GREM2: variants seen among roughly 807,000 people sequenced by gnomAD.
GREM2 encodes the protein gremlin 2, DAN family BMP antagonist, also known as gremlin-2.
GREM2 carries 11 observed loss-of-function variants against 14.2 expected under a neutral mutation model. The ratio of observed to expected loss-of-function variants is 0.78; its 90% CI spans 0.49 to 1.28. The LOEUF (loss-of-function observed/expected upper bound fraction) is 1.28. GREM2 is among the 50% of genes most tolerant of loss of function. The pLI is 0.00. For synonymous variants in GREM2, 98 were observed against 97.6 expected (o/e 1.00, Z -0.02); for missense variants, 210 against 218.5 (o/e 0.96, Z 0.24).
chr1:240,551,338 G>GT (rs71752374), intron 1 of GREM2, among the ~76,000 whole-genome samples: 30 of 151,634 alleles, frequency 2.0e-4, no homozygotes, highest in East Asian at 1.4e-3. Context: ...TTTACCTTGT[G>GT]TTTTTTTTTG....
In GREM2 at chr1:240,543,556, A is replaced by G. The variant is rs1572391057; in HGVS notation, c.-1-50080T>C. Among the ~76,000 whole-genome samples the G allele has an allele frequency of 6.6e-6, 1 of 152,150 alleles. No individual in the cohort carries two copies. Among genetic ancestry groups the G allele is most frequent in the East Asian group, 1.9e-4 (1 of 5,176 alleles). On this transcript the variant is annotated intron_variant, in intron 1 of 1. Transcript: ENST00000318160. This position sits in a 1 kb window ranked among gnomAD's most constrained non-coding sequence, Gnocchi z 6.4. ...CTGGCCTTGCCCATGAAACATGGGG[A>G]TTATTACAATTCAAGGTGAGATTTG...
intron 1 of GREM2, among the ~76,000 whole-genome samples, chr1:240,598,078 G>A (rs969075566): frequency 6.6e-5 from 10 of 152,132 alleles, no homozygotes; most frequent in African/African-American, 2.4e-4. Context: ...AAACAGCTCC[G>A]AACCTCAATT....
At chr1:240,591,939 G>A (rs1679723331) in intron 1 of GREM2, among the ~76,000 whole-genome samples, 1 of 152,132 alleles carries the variant, frequency 6.6e-6, no homozygotes, top group African/African-American at 2.4e-5. Flanking sequence ...TGAAAGGTTT[G>A]AATAGGTTTT....
chr1:240,539,735 C>T (rs1019547749), intron 1 of GREM2, among the ~76,000 whole-genome samples: 4 of 152,102 alleles, frequency 2.6e-5, no homozygotes, highest in Admixed American at 1.3e-4. Context: ...CTGGGTAACA[C>T]GGATGAAGTG....
At chr1:240,597,464 C>T (rs1305633279) in intron 1 of GREM2, among the ~76,000 whole-genome samples, 1 of 152,198 alleles carries the variant, frequency 6.6e-6, no homozygotes, top group Non-Finnish European at 1.5e-5. Context: ...TAGTACGATA[C>T]GTGCTCCACA....
At chr1:240,541,915 T>G (rs1480771888) in intron 1 of GREM2, among the ~76,000 whole-genome samples, 1 of 152,178 alleles carries the variant, frequency 6.6e-6, no homozygotes, top group African/African-American at 2.4e-5. Context: ...CTGCGAGCAA[T>G]GCCATCACTG....
chr1:240,544,150 C>CGTT (rs1678661030), intron 1 of GREM2, among the ~76,000 whole-genome samples: 2 of 129,626 alleles, frequency 1.5e-5, no homozygotes, highest in African/African-American at 8.0e-5. Flanking sequence ...AAGCACTAGG[C>CGTT]CTTTTTTTTT....
intron 1 of GREM2, among the ~76,000 whole-genome samples, chr1:240,576,676 T>C (rs1219963588): frequency 1.3e-5 from 2 of 152,134 alleles, no homozygotes; most frequent in African/African-American, 4.8e-5. Flanking sequence ...CTAAAACCTT[T>C]TAAACTTAAC....
chr1:240,611,642 CG>C (rs937227467), intron 1 of GREM2, among the ~76,000 whole-genome samples: 2 of 152,092 alleles, frequency 1.3e-5, no homozygotes, highest in Admixed American at 1.3e-4. Context: ...AGAGCGATCA[CG>C]GTCAAGTTTG....
chr1:240,561,331 C>A (rs1406301878), intron 1 of GREM2, among the ~76,000 whole-genome samples: 1 of 152,040 alleles, frequency 6.6e-6, no homozygotes, highest in Non-Finnish European at 1.5e-5. Flanking sequence ...AAAGATCACC[C>A]ACAAGGGAGT....
chr1:240,571,491 C>T (rs1377992901), intron 1 of GREM2, among the ~76,000 whole-genome samples: 2 of 152,018 alleles, frequency 1.3e-5, no homozygotes, highest in Non-Finnish European at 2.9e-5. Flanking sequence ...GTCAGGAGTT[C>T]GAGACCAGCC....
intron 1 of GREM2, among the ~76,000 whole-genome samples, chr1:240,539,917 T>A (rs765972978): frequency 2.0e-5 from 3 of 152,220 alleles, no homozygotes; most frequent in Non-Finnish European, 4.4e-5. Context: ...CCTCCTCTTT[T>A]GTTTTCTCAA....
chr1:240,519,847 G>A (rs899792778), intron 1 of GREM2, among the ~76,000 whole-genome samples: 2 of 152,302 alleles, frequency 1.3e-5, no homozygotes, highest in Non-Finnish European at 2.9e-5. Context: ...TTGGGAGGCC[G>A]AGGTGGATGG....
At position 240,543,028 on chromosome 1, in the gene GREM2, T is replaced by C. The variant is rs559437974; in HGVS notation, c.-1-49552A>G. ...CCATTGTCAAGATCCCACTAAAATA[T>C]CAATTCCTCTGGGAAGCCTCCCAAA... On this transcript the variant is annotated intron_variant, in intron 1 of 1. Coordinates refer to ENST00000318160, the MANE Select transcript of GREM2 (RefSeq NM_022469.4). This position sits in a 1 kb window ranked among gnomAD's most constrained non-coding sequence, Gnocchi z 6.4. Among the ~76,000 whole-genome samples, 1 of 152,302 alleles carries C rather than the reference T, an allele frequency of 6.6e-6. No individual in the cohort carries two copies. Among genetic ancestry groups the C allele is most frequent in the Non-Finnish European group, 1.5e-5 (1 of 68,028 alleles).
At chr1:240,504,929 T>C (rs1405112603) in intron 1 of GREM2, among the ~76,000 whole-genome samples, 1 of 152,152 alleles carries the variant, frequency 6.6e-6, no homozygotes, top group African/African-American at 2.4e-5. Flanking sequence ...ATAGATGATA[T>C]AGTTTGGATC....
chr1:240,555,179 A>T (rs1274511438), intron 1 of GREM2, among the ~76,000 whole-genome samples: 1 of 151,922 alleles, frequency 6.6e-6, no homozygotes. Flanking sequence ...AGAAAGAAAA[A>T]AGAATTGTGA....
chr1:240,514,264 A>T (rs1039142458), intron 1 of GREM2, among the ~76,000 whole-genome samples: 1 of 151,422 alleles, frequency 6.6e-6, no homozygotes, highest in African/African-American at 2.4e-5. Flanking sequence ...AAAAAAAAAA[A>T]AAAAAGCGTT....
chr1:240,590,236 A>G (rs1679680333), intron 1 of GREM2, among the ~76,000 whole-genome samples: 1 of 152,204 alleles, frequency 6.6e-6, no homozygotes, highest in African/African-American at 2.4e-5. Context: ...ACATTCACAT[A>G]CACTAACATC....
chr1:240,507,462 A>G (rs1239262592), intron 1 of GREM2, among the ~76,000 whole-genome samples: 23 of 152,088 alleles, frequency 1.5e-4, no homozygotes, highest in Non-Finnish European at 1.5e-5. Context: ...TCCCAAAAGT[A>G]GCTGGGATTA....
Sources: allele counts gnomAD v4.1 joint callset (sites outside exome capture counted in the v4.1 genomes callset), GRCh38; gene constraint gnomAD v4.1.1; non-coding constraint Gnocchi (gnomAD v3.1); transcripts MANE v1.5; gene names NCBI Gene and HGNC (gene_info 2026-07-23, HGNC 2026-07-21).